The following SDHA variants were observed in gnomAD, a reference collection of about 807,000 sequenced individuals.
SDHA encodes succinate dehydrogenase complex flavoprotein subunit A.
A neutral mutation model predicts 78.4 loss-of-function variants in SDHA; 48 were observed. That is an observed-to-expected ratio of 0.61 (90% CI 0.49 to 0.78). SDHA has a LOEUF of 0.78. Among genes scored for constraint, SDHA ranks in the 30% least tolerant of loss-of-function variants. The pLI is 0.00. For synonymous variants in SDHA, 326 were observed against 353.9 expected, an observed-to-expected ratio of 0.92 and a Z score of 0.88; for missense variants, 680 against 892.7, an observed-to-expected ratio of 0.76 and a Z score of 3.04.
At chr5:223,279 C>T (rs1473406736) in intron 1 of SDHA, among the ~76,000 whole-genome samples, 1 of 152,180 alleles carries the variant, frequency 6.6e-6, no homozygotes. Flanking sequence ...AGGGTGGAAA[C>T]GAGGACCTGG....
At chr5:264,113 AC>A in the SDHA span, among the ~76,000 whole-genome samples, 2 of 152,220 alleles carry the variant, frequency 1.3e-5, no homozygotes, top group African/African-American at 4.8e-5. Context: ...TTTTCTTAAA[AC>A]AGTACAAAGA....
At chr5:240,809 A>G (rs932890309) in intron 11 of SDHA, among the ~76,000 whole-genome samples, 5 of 152,174 alleles carry the variant, frequency 3.3e-5, no homozygotes, top group Non-Finnish European at 7.3e-5. Flanking sequence ...CACTTAGGAT[A>G]GTGACCTCCT....
At chr5:259,791 C>A (rs1244911132), downstream of SDHA, among the ~76,000 whole-genome samples, 8 of 18,324 alleles carry the variant, frequency 4.4e-4, no homozygotes, top group Admixed American at 1.1e-3. Flanking sequence ...CCGCCTCCCG[C>A]CAGAGCATTA....
the SDHA span, among the ~76,000 whole-genome samples, chr5:267,197 A>C: frequency 6.6e-6 from 1 of 152,260 alleles, no homozygotes; most frequent in Non-Finnish European, 1.5e-5. Flanking sequence ...TCCTTACTGA[A>C]TTCTAGCAGA....
At chr5:226,650 T>G (rs1735048080) in intron 5 of SDHA, among the ~76,000 whole-genome samples, 1 of 147,882 alleles carries the variant, frequency 6.8e-6, no homozygotes, top group Non-Finnish European at 1.5e-5. Flanking sequence ...AAGAACAGGC[T>G]GGGTGCGGTG....
downstream of SDHA, among the ~76,000 whole-genome samples, chr5:258,368 G>A (rs1249804236): frequency 1.7e-5 from 2 of 117,518 alleles, no homozygotes; most frequent in Non-Finnish European, 3.3e-5. Flanking sequence ...TCCTGTCAGA[G>A]CCTTACCGTG....
At chr5:241,258 G>A (rs1343920682) in intron 11 of SDHA, among the ~76,000 whole-genome samples, 1 of 152,124 alleles carries the variant, frequency 6.6e-6, no homozygotes, top group African/African-American at 2.4e-5. Flanking sequence ...CTGCAGGACC[G>A]CTGGAGAAGC....
At chr5:231,331 G>A (rs767254689) in intron 7 of SDHA, among the ~76,000 whole-genome samples, 5 of 151,992 alleles carry the variant, frequency 3.3e-5, no homozygotes, top group Admixed American at 6.5e-5. Flanking sequence ...AGGCCAAGGC[G>A]GGCGGATCAC....
At chr5:226,284 A>G (rs921029131) in intron 5 of SDHA, among the ~76,000 whole-genome samples, 2 of 150,334 alleles carry the variant, frequency 1.3e-5, no homozygotes, top group Non-Finnish European at 2.9e-5. Flanking sequence ...AGTTGAATCG[A>G]TAATCTTACA....
chr5:220,160 G>C (rs1025321435), intron 1 of SDHA: 2 of 284,366 alleles, frequency 7.0e-6, no homozygotes, highest in African/African-American at 4.4e-5. Flanking sequence ...GTGGTGTTTT[G>C]ATCATTCTGT....
rs184610247 is a variant in SDHA at position 232,499 on chromosome 5, C to T, written c.896-978C>T. 5.5e-3 allele frequency among the ~76,000 whole-genome samples: 843 copies of T among 152,276 alleles called. 8 individuals are homozygous for T. The highest frequency in any genetic ancestry group is 9.1e-3 in the Non-Finnish European group (619 of 68,016). ...GCCCCTCAGGGTCCTGGGATTATAG[C>T]CATGAGCCACTGCACCCGGCCTGTT... On this transcript the variant is annotated intron_variant, in intron 7 of 14. Transcript: ENST00000264932.
intron 13 of SDHA, among the ~76,000 whole-genome samples, chr5:252,601 G>A: frequency 6.8e-6 from 1 of 146,550 alleles, no homozygotes; most frequent in African/African-American, 2.5e-5. Context: ...AGCCTGTCCT[G>A]TGGAGGAAAT....
chr5:233,638 G>A lies in SDHA; in HGVS notation c.1057G>A (p.Glu353Lys), dbSNP rs1328911130. 2 of 1,613,994 alleles carry A rather than the reference G, an allele frequency of 1.2e-6. No homozygotes were observed. Among genetic ancestry groups the A allele is most frequent in the Non-Finnish European group, 8.5e-7 (1 of 1,179,896 alleles). Reference sequence around the variant, plus strand: ...TCGGTCCATGACTCTGGAGATCCGAGAAGGAAGGTGCGTGTGATTTACCAC... The same window carrying A: ...TCGGTCCATGACTCTGGAGATCCGAAAAGGAAGGTGCGTGTGATTTACCAC... ...VSRSMTLEIR[E>K]GRGCGPEKDH... Residue 353 changes from glutamate to lysine, a missense_variant, in exon 8 of 15, where the codon GAA becomes AAA. Physicochemically the swap from Glu to Lys is moderately conservative, Grantham distance 56. Coordinates refer to ENST00000264932, the MANE Select transcript of SDHA (RefSeq NM_004168.4).
At chr5:250,060 A>G (rs1561009340) in intron 11 of SDHA, 1 of 152,272 alleles carries the variant, frequency 6.6e-6, no homozygotes, top group Non-Finnish European at 1.5e-5. Flanking sequence ...AAAAAAGGAT[A>G]TGAAAACATG....
intron 11 of SDHA, among the ~76,000 whole-genome samples, chr5:244,962 A>G (rs1736358200): frequency 1.3e-5 from 2 of 152,210 alleles, no homozygotes; most frequent in Non-Finnish European, 2.9e-5. Context: ...TTCAAGTGGA[A>G]AGACAAAAGT....
chr5:226,762 A>G (rs1036887999), intron 5 of SDHA, among the ~76,000 whole-genome samples: 4 of 151,844 alleles, frequency 2.6e-5, no homozygotes, highest in African/African-American at 9.7e-5. Context: ...CCCCGTCTCT[A>G]CTAAAAATAC....
chr5:227,906 A>G, intron 5 of SDHA: 4 of 429,450 alleles, frequency 9.3e-6, no homozygotes, highest in South Asian at 8.4e-5. Context: ...GCCACCGGAC[A>G]GTGTGGAGTG....
intron 7 of SDHA, among the ~76,000 whole-genome samples, chr5:232,755 A>G (rs549093405): frequency 6.6e-6 from 1 of 152,356 alleles, no homozygotes; most frequent in South Asian, 2.1e-4. Context: ...CTTTCGAAAT[A>G]CATTTAGTTT....
chr5:266,916 C>T, the SDHA span, among the ~76,000 whole-genome samples: 1 of 152,210 alleles, frequency 6.6e-6, no homozygotes, highest in Non-Finnish European at 1.5e-5. Flanking sequence ...GACACGGTGG[C>T]CGCTGTGTCT....
Sources: gnomAD v4.1 joint callset for allele counts (sites outside exome capture counted in the v4.1 genomes callset) on GRCh38, gnomAD v4.1.1 for gene constraint, MANE v1.5 for transcripts, NCBI Gene and HGNC (gene_info 2026-07-23, HGNC 2026-07-21) for gene names.